The following PSD3 variants were observed in gnomAD, a reference collection of about 807,000 sequenced individuals.
The protein encoded by PSD3 is PH and SEC7 domain-containing protein 3.
A neutral mutation model predicts 105.5 loss-of-function variants in PSD3; 49 were observed. The ratio of observed to expected loss-of-function variants is 0.46; its 90% confidence interval spans 0.37 to 0.59. PSD3 has a LOEUF of 0.59. Ranked by LOEUF, PSD3 falls within the 20% of genes least tolerant of loss-of-function variation. PSD3 has a pLI of 0.00. For missense variants in PSD3, 1,561 were observed against 1,263.8 expected (o/e 1.24, Z -3.57); for synonymous variants, 557 against 457.8 (o/e 1.22, Z -2.77).
At position 18,825,149 on chromosome 8, in the gene PSD3, T is replaced by G. The variant is rs572296670; in HGVS notation, c.1635-20251A>C. ...AACTTATGTGTGTATTAGAACTACA[T>G]GGGAAATTGTTAGAGGCAACTTTAG... On this transcript the variant is annotated intron_variant, in intron 4 of 15. Coordinates refer to ENST00000327040, the MANE Select transcript of PSD3 (RefSeq NM_015310.4). 8.0e-4 allele frequency among the ~76,000 whole-genome samples: 122 copies of G among 152,254 alleles called. 1 individual carries two copies. Among genetic ancestry groups the G allele is most frequent in the Middle Eastern group, 6.8e-3 (2 of 294 alleles).
chr8:18,710,478 T>G (rs1802184787), intron 9 of PSD3, among the ~76,000 whole-genome samples: 1 of 152,028 alleles, frequency 6.6e-6, no homozygotes, highest in African/African-American at 2.4e-5. Flanking sequence ...ATATTCACAT[T>G]GAGGAAACCC....
intron 9 of PSD3, among the ~76,000 whole-genome samples, chr8:18,735,197 A>G (rs1804059128): frequency 6.6e-6 from 1 of 152,170 alleles, no homozygotes; most frequent in Admixed American, 6.5e-5. Context: ...GTTCAACTCC[A>G]GGAAAACACT....
chr8:18,829,030 G>A (rs1257222743), intron 4 of PSD3, among the ~76,000 whole-genome samples: 1 of 152,076 alleles, frequency 6.6e-6, no homozygotes, highest in African/African-American at 2.4e-5. Context: ...AGAGGTTGCT[G>A]CTACTGCACT....
chr8:18,624,086 C>T (rs1489550081), intron 11 of PSD3, among the ~76,000 whole-genome samples: 1 of 152,134 alleles, frequency 6.6e-6, no homozygotes. Context: ...TTGCTATAAA[C>T]ATGACTTCTG....
chr8:19,076,607 G>A (rs920305291), intron 1 of PSD3, among the ~76,000 whole-genome samples: 2 of 152,182 alleles, frequency 1.3e-5, no homozygotes, highest in Admixed American at 1.3e-4. Flanking sequence ...TATGTTATGT[G>A]TATGATGTTT....
intron 4 of PSD3, chr8:18,849,521 A>G (rs1464286605): frequency 6.6e-6 from 1 of 152,222 alleles, no homozygotes; most frequent in Non-Finnish European, 1.5e-5. Context: ...GCCGAGGTCT[A>G]TACTAGGTAT....
At chr8:18,694,587 G>C (rs7005434) in intron 9 of PSD3, among the ~76,000 whole-genome samples, 9,587 of 149,998 alleles carry the variant, frequency 0.064, 947 homozygotes, top group African/African-American at 0.21. Flanking sequence ...TCCAGCCTGG[G>C]CAACAGAGTG....
intron 1 of PSD3, among the ~76,000 whole-genome samples, chr8:18,975,583 G>A (rs981249802): frequency 1.3e-5 from 2 of 152,080 alleles, no homozygotes; most frequent in Admixed American, 6.6e-5. Context: ...AAGTATAAAG[G>A]TTGACTTATG....
At position 18,556,380 on chromosome 8, in the gene PSD3, G is replaced by A. The variant is rs754335780; in HGVS notation, c.2785-28C>T. 1.6e-4 allele frequency: 245 copies of A among 1,573,314 alleles called. No homozygotes were observed. Among genetic ancestry groups the A allele is most frequent in the African/African-American group, 1.9e-4 (13 of 67,904 alleles). ...GCAGGAAATCATGATGCCATTTAGCGTTCAAAAAAAAAACAAGTCAATAAC... is the reference window on the plus strand; with the variant it reads ...GCAGGAAATCATGATGCCATTTAGCATTCAAAAAAAAAACAAGTCAATAAC... On this transcript the variant is annotated intron_variant, in intron 14 of 15. Transcript: ENST00000327040.
At chr8:18,940,169 G>C (rs1822439175) in intron 1 of PSD3, 1 of 152,214 alleles carries the variant, frequency 6.6e-6, no homozygotes, top group African/African-American at 2.4e-5. Flanking sequence ...CTGCGAATCT[G>C]CATTTTCTAA....
At chr8:18,768,420 A>G (rs1422612051) in intron 8 of PSD3, among the ~76,000 whole-genome samples, 2 of 152,160 alleles carry the variant, frequency 1.3e-5, no homozygotes, top group Non-Finnish European at 2.9e-5. Context: ...AGCCTGGGTA[A>G]CATCCCTCTC....
intron 4 of PSD3, among the ~76,000 whole-genome samples, chr8:18,834,771 A>G (rs1037507485): frequency 1.3e-5 from 2 of 152,232 alleles, no homozygotes; most frequent in Admixed American, 1.3e-4. Context: ...AGAGAGAAGC[A>G]GACCCTTCAG....
chr8:19,074,416 T>C (rs1167831240), intron 1 of PSD3, among the ~76,000 whole-genome samples: 2 of 151,914 alleles, frequency 1.3e-5, no homozygotes, highest in East Asian at 3.9e-4. Flanking sequence ...TAGGTCCAGA[T>C]TTTCTAATCC....
At chr8:19,020,405 G>T (rs544089282) in intron 1 of PSD3, among the ~76,000 whole-genome samples, 12 of 152,218 alleles carry the variant, frequency 7.9e-5, no homozygotes, top group Admixed American at 3.9e-4. Flanking sequence ...GTAACTATAA[G>T]TGCAAAGGCC....
intron 1 of PSD3, among the ~76,000 whole-genome samples, chr8:19,023,084 G>A (rs1454045915): frequency 6.6e-6 from 1 of 152,024 alleles, no homozygotes; most frequent in African/African-American, 2.4e-5. Flanking sequence ...CTCCATCATA[G>A]AGTCTTATAT....
intron 1 of PSD3, among the ~76,000 whole-genome samples, chr8:19,033,263 A>G (rs1304522399): frequency 6.6e-6 from 1 of 152,202 alleles, no homozygotes; most frequent in African/African-American, 2.4e-5. Flanking sequence ...GAGATTTTCT[A>G]CTTTAATTTT....
intron 9 of PSD3, among the ~76,000 whole-genome samples, chr8:18,736,151 C>A (rs1226506410): frequency 6.6e-6 from 1 of 152,140 alleles, no homozygotes; most frequent in Non-Finnish European, 1.5e-5. Flanking sequence ...ATATATCTCA[C>A]GTAATTTCTA....
intron 12 of PSD3, among the ~76,000 whole-genome samples, chr8:18,595,736 C>T (rs1585339518): frequency 6.6e-6 from 1 of 151,964 alleles, no homozygotes; most frequent in South Asian, 2.1e-4. Context: ...AGTACATATG[C>T]ATCTATCATC....
chr8:18,781,760 A>C (rs1808650186), intron 8 of PSD3, among the ~76,000 whole-genome samples: 1 of 152,176 alleles, frequency 6.6e-6, no homozygotes, highest in African/African-American at 2.4e-5. Context: ...AAGACTTGAG[A>C]AGTTTTTACC....
Sources: allele counts gnomAD v4.1 joint callset (sites outside exome capture counted in the v4.1 genomes callset), GRCh38; gene constraint gnomAD v4.1.1; transcripts MANE v1.5; gene names NCBI Gene and HGNC (gene_info 2026-07-23, HGNC 2026-07-21).